CACNA1A: variants seen among roughly 807,000 people sequenced by gnomAD.
The protein encoded by CACNA1A is calcium voltage-gated channel subunit alpha1 A.
In CACNA1A, 57 loss-of-function variants were observed where a neutral mutation model predicts 262.4. The ratio of observed to expected loss-of-function variants is 0.22; its 90% CI spans 0.18 to 0.27. CACNA1A has a LOEUF of 0.27. CACNA1A is among the 10% of genes least tolerant of loss of function. The pLI, the probability that CACNA1A is intolerant of heterozygous loss-of-function variation, is 1.00. For synonymous variants in CACNA1A, 1,431 were observed against 1,419.3 expected, an observed-to-expected ratio of 1.01 and a Z score of -0.18; for missense variants, 2,526 against 3,562.8, an observed-to-expected ratio of 0.71 and a Z score of 7.41.
rs2059409582 is a variant in CACNA1A at position 13,376,619 on chromosome 19, TAA to T, written c.540-4842_540-4841del. ...TATAACACATAATATATGTTATATATAACACACTACACATATGTTATATATGA... is the reference window on the plus strand; with the variant it reads ...TATAACACATAATATATGTTATATATCACACTACACATATGTTATATATGA... On this transcript the variant is annotated intron_variant, in intron 3 of 46. Coordinates refer to ENST00000360228, the MANE Select transcript of CACNA1A (RefSeq NM_001127222.2). Among the ~76,000 whole-genome samples, 4 of 148,166 alleles carry T rather than the reference TAA, an allele frequency of 2.7e-5. No homozygotes were observed. In the South Asian group the frequency reaches 8.3e-4, roughly 31 times the overall value.
chr19:13,319,832 G>C (rs1341132372), intron 10 of CACNA1A, among the ~76,000 whole-genome samples: 1 of 152,192 alleles, frequency 6.6e-6, no homozygotes, highest in Non-Finnish European at 1.5e-5. Context: ...AGGAAGTAGG[G>C]ACCAGCGTCA....
intron 1 of CACNA1A, among the ~76,000 whole-genome samples, chr19:13,484,323 G>C (rs1285054246): frequency 6.6e-6 from 1 of 152,144 alleles, no homozygotes; most frequent in Non-Finnish European, 1.5e-5. Context: ...CTGGGGGCCA[G>C]GGGCTGTCCA....
chr19:13,332,836 G>A (rs2058489633), intron 9 of CACNA1A, 33 bp downstream of exon 9: 1 of 1,469,686 alleles, frequency 6.8e-7, no homozygotes, highest in Non-Finnish European at 9.5e-7. Context: ...TCTCCCCTGG[G>A]ACCCACCCCT....
chr19:13,372,426 C>A (rs2059340170), intron 3 of CACNA1A, among the ~76,000 whole-genome samples: 1 of 152,162 alleles, frequency 6.6e-6, no homozygotes, highest in African/African-American at 2.4e-5. Flanking sequence ...CCCGCCTCGG[C>A]CTCCCAAAGT....
chr19:13,280,133 C>A (rs1274606304), intron 22 of CACNA1A, among the ~76,000 whole-genome samples: 1 of 151,844 alleles, frequency 6.6e-6, no homozygotes, highest in East Asian at 1.9e-4. Flanking sequence ...CAACCACTTG[C>A]AAATTATATG....
intron 3 of CACNA1A, among the ~76,000 whole-genome samples, chr19:13,420,451 C>G (rs1371649190): frequency 6.6e-6 from 1 of 151,948 alleles, no homozygotes; most frequent in African/African-American, 2.4e-5. Flanking sequence ...TTAGAGTAAG[C>G]CCTAAATTCA....
intron 1 of CACNA1A, among the ~76,000 whole-genome samples, chr19:13,468,367 A>G (rs780375739): frequency 6.6e-5 from 10 of 152,058 alleles, no homozygotes; most frequent in Non-Finnish European, 7.4e-5. Flanking sequence ...TTTCCCTTAT[A>G]TGTTCACTCT....
intron 3 of CACNA1A, among the ~76,000 whole-genome samples, chr19:13,422,179 G>T (rs139757351): frequency 3.9e-5 from 6 of 152,132 alleles, no homozygotes; most frequent in African/African-American, 1.4e-4. Context: ...ATATTAGCTG[G>T]GTGTAATGGC....
chr19:13,472,284 ACAGG>A (rs1978286645), intron 1 of CACNA1A, among the ~76,000 whole-genome samples: 1 of 151,932 alleles, frequency 6.6e-6, no homozygotes, highest in Non-Finnish European at 1.5e-5. Context: ...AAATATATAG[ACAGG>A]TAGATAGATA....
chr19:13,207,805 G>T lies in CACNA1A; in HGVS notation c.7029C>A (p.Gly2343=). The T allele has an allele frequency of 6.9e-7, 1 of 1,445,502 alleles. No homozygotes were observed. Among genetic ancestry groups the T allele is most frequent in the Non-Finnish European group, 9.0e-7 (1 of 1,106,794 alleles). 89.5% of individuals were successfully genotyped at this position (1,445,502 alleles called of 1,614,324 possible). The change falls in exon 47 of 47, where the codon GGC becomes GGA. Residue 2343 remains glycine (G), a synonymous_variant. Coordinates refer to ENST00000360228, the MANE Select transcript of CACNA1A (RefSeq NM_001127222.2). This position sits in a 1 kb window ranked among gnomAD's most constrained non-coding sequence, Gnocchi z 5.7. ...AATSGPRRYP[G]PTAEPLAGDR... The stretch of plus-strand genomic sequence containing the variant: ...CTCCGGCCAGAGGCTCGGCCGTGGG[G>T]CCTGGGTACCTCCGAGGGCCGCTGG...
rs997597033 is a variant in CACNA1A at position 13,243,505 on chromosome 19, T to C, written c.4950+1677A>G. 4.6e-5 allele frequency among the ~76,000 whole-genome samples: 7 copies of C among 151,990 alleles called. No individual in the cohort carries two copies. The East Asian group carries it at 1.3e-3, about 29-fold the overall frequency. The stretch of plus-strand genomic sequence containing the variant: ...CAGGAGTCACCCAGGCCTGGCTTTG[T>C]GACCTTGGGAGTGTCTCTCACTTCC... On this transcript the variant is annotated intron_variant, in intron 31 of 46. Transcript: ENST00000360228.
At chr19:13,309,544 T>A (rs1474534073) in intron 12 of CACNA1A, among the ~76,000 whole-genome samples, 1 of 146,750 alleles carries the variant, frequency 6.8e-6, no homozygotes, top group African/African-American at 2.5e-5. Flanking sequence ...AAAAAAAAAA[T>A]TAGTCAAGCA....
At position 13,212,553 on chromosome 19, in the gene CACNA1A, T is replaced by G; in HGVS notation, c.6051-31A>C. ...TGGGGGACAGAGGCCGGGGTAGCAGTGGGCGCTTGGGCAGCTTCCAGAACG... is the reference window on the plus strand; with the variant it reads ...TGGGGGACAGAGGCCGGGGTAGCAGGGGGCGCTTGGGCAGCTTCCAGAACG... On this transcript the variant is annotated intron_variant, in intron 41 of 46. Coordinates refer to ENST00000360228, the MANE Select transcript of CACNA1A (RefSeq NM_001127222.2). The surrounding 1 kb of genome is among the most constrained non-coding windows in gnomAD (Gnocchi z 5.6). The G allele has an allele frequency of 6.5e-7, 1 of 1,533,622 alleles. No individual in the cohort carries two copies. Among genetic ancestry groups the G allele is most frequent in the Non-Finnish European group, 8.8e-7 (1 of 1,134,588 alleles).
chr19:13,223,764 C>T (rs2055327595), intron 38 of CACNA1A, among the ~76,000 whole-genome samples: 2 of 152,172 alleles, frequency 1.3e-5, no homozygotes, highest in African/African-American at 2.4e-5. Flanking sequence ...ATCCATGAGA[C>T]ACTGCCTTAC....
intron 26 of CACNA1A, 76 bp downstream of exon 26, chr19:13,261,374 G>T: frequency 7.7e-7 from 1 of 1,296,164 alleles, no homozygotes; most frequent in Non-Finnish European, 1.1e-6. Context: ...GAGCCCAAGT[G>T]GCCAATGCCT....
chr19:13,248,409 CAAAAAA>C lies in CACNA1A; in HGVS notation c.4867-3150_4867-3145del, dbSNP rs61481896. On this transcript the variant is annotated intron_variant, in intron 30 of 46. Coordinates refer to ENST00000360228, the MANE Select transcript of CACNA1A (RefSeq NM_001127222.2). ...TGGGCAACAGAGTAAGATCCCATCT[CAAAAAA>C]AAAAAAAAAAAAAAAAAAGAGAAAG... is the stretch of plus-strand genomic sequence containing the variant. Among the ~76,000 whole-genome samples the C allele has an allele frequency of 3.9e-4, 23 of 58,830 alleles. No homozygotes were observed. In the East Asian group the frequency reaches 6.7e-3, roughly 17 times the overall value. 38.6% of individuals were successfully genotyped at this position (58,830 alleles called of 152,430 possible).
intron 27 of CACNA1A, 111 bp from the exon 28 acceptor site, chr19:13,257,662 C>T: frequency 1.8e-6 from 1 of 555,274 alleles, no homozygotes; most frequent in South Asian, 3.5e-5. Flanking sequence ...AGAACAGGAA[C>T]AGAGGGAAAT....
At chr19:13,312,163 T>C (rs533220070) in intron 12 of CACNA1A, among the ~76,000 whole-genome samples, 3 of 152,348 alleles carry the variant, frequency 2.0e-5, no homozygotes, top group African/African-American at 4.8e-5. Flanking sequence ...AGTGGGTTAC[T>C]GGGTGTTAAT....
chr19:13,234,827 G>C, intron 34 of CACNA1A, 94 bp downstream of exon 34: 1 of 859,854 alleles, frequency 1.2e-6, no homozygotes, highest in Admixed American at 1.8e-5. Context: ...TCTTGCATTG[G>C]AAGAGGAGGG....
Sources: allele counts gnomAD v4.1 joint callset (sites outside exome capture counted in the v4.1 genomes callset), GRCh38; gene constraint gnomAD v4.1.1; non-coding constraint Gnocchi (gnomAD v3.1); transcripts MANE v1.5; gene names NCBI Gene and HGNC (gene_info 2026-07-23, HGNC 2026-07-21).